MAP3K7CL: variants seen among roughly 807,000 people sequenced by gnomAD.
The protein encoded by MAP3K7CL is MAP3K7 C-terminal-like protein.
MAP3K7CL carries 16 observed loss-of-function variants against 18.6 expected under a neutral mutation model. That is an observed-to-expected ratio of 0.86 (90% CI 0.58 to 1.31). The LOEUF (loss-of-function observed/expected upper bound fraction) is 1.31, where lower values mean the gene tolerates loss of function less well. Among genes scored for constraint, MAP3K7CL ranks in the 50% most tolerant of loss-of-function variants. The probability of loss-of-function intolerance (pLI) is 0.00; values close to 1 mark genes in which losing one functional copy is unlikely to be tolerated. For synonymous variants in MAP3K7CL, 65 were observed against 66.8 expected (o/e 0.97, Z 0.13); for missense variants, 163 against 174.4 (o/e 0.93, Z 0.37).
At chr21:29,114,937 C>T (rs2086480354) in intron 4 of MAP3K7CL, among the ~76,000 whole-genome samples, 6 of 152,214 alleles carry the variant, frequency 3.9e-5, no homozygotes, top group Admixed American at 3.9e-4. Context: ...CCAGATGCTT[C>T]TCTCTACAGG....
intron 4 of MAP3K7CL, among the ~76,000 whole-genome samples, chr21:29,125,043 A>G (rs1235613495): frequency 6.6e-6 from 1 of 152,258 alleles, no homozygotes; most frequent in Non-Finnish European, 1.5e-5. Flanking sequence ...TGAATGCAGC[A>G]TCACAATGCA....
At chr21:29,082,501 G>A (rs1238384702), upstream of MAP3K7CL, among the ~76,000 whole-genome samples, 8 of 152,298 alleles carry the variant, frequency 5.3e-5, no homozygotes, top group African/African-American at 1.9e-4. Flanking sequence ...AGGCTTGGAG[G>A]TCTCAGCTGG....
chr21:29,095,811 A>G (rs1313686704), intron 4 of MAP3K7CL, among the ~76,000 whole-genome samples: 1 of 152,218 alleles, frequency 6.6e-6, no homozygotes, highest in African/African-American at 2.4e-5. Flanking sequence ...TTACTGGTCC[A>G]GGGACCACAC....
At chr21:29,119,662 C>CT (rs58443653) in intron 4 of MAP3K7CL, among the ~76,000 whole-genome samples, 37,074 of 135,000 alleles carry the variant, frequency 0.27, 5,628 homozygotes, top group African/African-American at 0.39. Context: ...AATCCTAAAA[C>CT]TTTTTTTTTT....
chr21:29,172,975 G>C (rs1271625812), intron 4 of MAP3K7CL, among the ~76,000 whole-genome samples: 2 of 152,076 alleles, frequency 1.3e-5, no homozygotes, highest in African/African-American at 4.8e-5. Flanking sequence ...TATCTGATCA[G>C]TGGAAGAAGG....
intron 4 of MAP3K7CL, among the ~76,000 whole-genome samples, chr21:29,121,861 C>T (rs572614986): frequency 5.3e-5 from 8 of 151,774 alleles, no homozygotes; most frequent in Admixed American, 1.3e-4. Context: ...CATTTATGAA[C>T]ACCAGGCACT....
At chr21:29,172,837 C>G (rs1363766755) in intron 4 of MAP3K7CL, among the ~76,000 whole-genome samples, 1 of 123,892 alleles carries the variant, frequency 8.1e-6, no homozygotes, top group Non-Finnish European at 1.7e-5. Flanking sequence ...ATGAGCAACC[C>G]CCCCCTCCCC....
chr21:29,129,720 G>C (rs1047003479), upstream of MAP3K7CL, among the ~76,000 whole-genome samples: 5 of 152,210 alleles, frequency 3.3e-5, no homozygotes, highest in Non-Finnish European at 5.9e-5. Context: ...GTAAGAAACT[G>C]CCCAACTGTT....
chr21:29,140,377 T>C (rs547605123), intron 2 of MAP3K7CL, among the ~76,000 whole-genome samples: 1 of 152,348 alleles, frequency 6.6e-6, no homozygotes, highest in African/African-American at 2.4e-5. Context: ...TAAGGAGTAG[T>C]GCTTTTACTG....
intron 4 of MAP3K7CL, among the ~76,000 whole-genome samples, chr21:29,112,971 G>A (rs1461944214): frequency 6.6e-6 from 1 of 152,122 alleles, no homozygotes; most frequent in East Asian, 1.9e-4. Context: ...ACAACACCCA[G>A]CTAATTTTTG....
At chr21:29,147,584 T>C (rs192111610) in intron 2 of MAP3K7CL, among the ~76,000 whole-genome samples, 1 of 152,024 alleles carries the variant, frequency 6.6e-6, no homozygotes, top group Admixed American at 6.5e-5. Context: ...GTACTGTGTA[T>C]GTATCTGTAC....
At chr21:29,098,321 C>CTTT (rs1173949368) in intron 4 of MAP3K7CL, among the ~76,000 whole-genome samples, 1 of 152,176 alleles carries the variant, frequency 6.6e-6, no homozygotes, top group Non-Finnish European at 1.5e-5. Context: ...ACCCACTTCT[C>CTTT]TTTTTTTCTA....
chr21:29,114,150 T>C (rs9984793), intron 4 of MAP3K7CL, among the ~76,000 whole-genome samples: 67,977 of 150,446 alleles, frequency 0.45, 15,428 homozygotes, highest in East Asian at 0.64. Context: ...CTCTTTGCAA[T>C]CTCTGCCTCC....
At chr21:29,170,885 C>T (rs1021082172) in intron 4 of MAP3K7CL, among the ~76,000 whole-genome samples, 12 of 151,434 alleles carry the variant, frequency 7.9e-5, no homozygotes, top group African/African-American at 2.7e-4. Flanking sequence ...GTGATCTGCC[C>T]GCCTCGGCCT....
At chr21:29,173,864 G>A (rs1456241227) in intron 4 of MAP3K7CL, among the ~76,000 whole-genome samples, 2 of 152,062 alleles carry the variant, frequency 1.3e-5, no homozygotes, top group Non-Finnish European at 2.9e-5. Flanking sequence ...ATCATACCCA[G>A]CTAATTTCCC....
chr21:29,128,277 C>T (rs1328853284), upstream of MAP3K7CL: 2 of 151,918 alleles, frequency 1.3e-5, no homozygotes, highest in African/African-American at 2.4e-5. Context: ...AGCTGAGAGT[C>T]AGACTTATTC....
chr21:29,077,255 C>T (rs1000409949), upstream of MAP3K7CL, among the ~76,000 whole-genome samples: 4 of 152,244 alleles, frequency 2.6e-5, no homozygotes, highest in Non-Finnish European at 5.9e-5. Context: ...GGGCGGCGCT[C>T]GTCGCGGAGG....
At chr21:29,143,970 A>G (rs973276679) in intron 2 of MAP3K7CL, among the ~76,000 whole-genome samples, 1 of 152,104 alleles carries the variant, frequency 6.6e-6, no homozygotes, top group Non-Finnish European at 1.5e-5. Context: ...CTGTAAAGCT[A>G]AATGTATGTA....
At chr21:29,147,897 T>C (rs1279497052) in intron 2 of MAP3K7CL, among the ~76,000 whole-genome samples, 1 of 151,918 alleles carries the variant, frequency 6.6e-6, no homozygotes, top group African/African-American at 2.4e-5. Flanking sequence ...GTATGTGTAC[T>C]GTATCTGTAT....
Sources: gnomAD v4.1 joint callset for allele counts (sites outside exome capture counted in the v4.1 genomes callset) on GRCh38, gnomAD v4.1.1 for gene constraint, MANE v1.5 for transcripts, NCBI Gene and HGNC (gene_info 2026-07-23, HGNC 2026-07-21) for gene names.